Variants in CDS1 observed in about 807,000 individuals in gnomAD.
CDS1 encodes CDP-diacylglycerol synthase 1.
A neutral mutation model predicts 62.1 loss-of-function variants in CDS1; 41 were observed. The ratio of observed to expected loss-of-function variants is 0.66; its 90% CI spans 0.51 to 0.86. The LOEUF is 0.86. Among genes scored for constraint, CDS1 ranks in the 40% least tolerant of loss-of-function variants. The pLI is 0.00. For missense variants in CDS1, 470 were observed against 550.1 expected (o/e 0.85, Z 1.46); for synonymous variants, 185 against 192.6 (o/e 0.96, Z 0.32).
chr4:84,617,843 C>T (rs1298131075), intron 4 of CDS1, among the ~76,000 whole-genome samples, 182 bp downstream of exon 4: 1 of 151,978 alleles, frequency 6.6e-6, no homozygotes, highest in African/African-American at 2.4e-5. Context: ...TCCAATACAA[C>T]TTTTTTCAGA....
rs2148663451 is a variant in CDS1 at position 84,649,287 on chromosome 4, C to G, written c.*601C>G. Reference sequence around the variant, plus strand: ...AGTTTCAAAATTCAGGGGAGGGAGCCTGAAATTTTTGCCATGATTGGTTTG... The same window carrying G: ...AGTTTCAAAATTCAGGGGAGGGAGCGTGAAATTTTTGCCATGATTGGTTTG... On this transcript the variant is annotated 3_prime_UTR_variant, in exon 13 of 13. Transcript: ENST00000295887. 6.6e-6 allele frequency: 1 copy of G among 152,228 alleles called. No homozygotes were observed. Among genetic ancestry groups the G allele is most frequent in the South Asian group, 2.1e-4 (1 of 4,828 alleles). 9.4% of individuals were successfully genotyped at this position (152,228 alleles called of 1,614,324 possible).
intron 5 of CDS1, among the ~76,000 whole-genome samples, chr4:84,630,648 A>T (rs373399786): frequency 4.6e-5 from 7 of 152,128 alleles, no homozygotes; most frequent in African/African-American, 1.7e-4. Context: ...CTCTTTAAAG[A>T]TACTGCAGAG....
rs1466394742 is a variant in CDS1, at chr4:84,623,578, TCTGTTC to T, written c.580+4046_580+4051del. Among the ~76,000 whole-genome samples the T allele has an allele frequency of 5.9e-5, 9 of 152,368 alleles. No individual in the cohort carries two copies. In the East Asian group the frequency reaches 1.7e-3, roughly 29 times the overall value. On this transcript the variant is annotated intron_variant, in intron 5 of 12. Coordinates refer to ENST00000295887, the MANE Select transcript of CDS1 (RefSeq NM_001263.4). ...TCTCCTTCACATTTCTTCAGTTTTC[TCTGTTC>T]TTGTGGGGCTTCCCCTTAATTTATT... is the stretch of plus-strand genomic sequence containing the variant.
At chr4:84,620,917 G>A (rs942981533) in intron 5 of CDS1, among the ~76,000 whole-genome samples, 8 of 152,034 alleles carry the variant, frequency 5.3e-5, no homozygotes, top group Non-Finnish European at 1.0e-4. Flanking sequence ...AGAATTAGCC[G>A]GGCATGGTGG....
intron 9 of CDS1, among the ~76,000 whole-genome samples, chr4:84,639,324 T>C (rs1724310400): frequency 6.6e-6 from 1 of 152,194 alleles, no homozygotes; most frequent in African/African-American, 2.4e-5. Flanking sequence ...CTATTCTGCC[T>C]TAGGCGGGGC....
At chr4:84,600,761 C>G (rs1388355108) in intron 1 of CDS1, among the ~76,000 whole-genome samples, 2 of 152,160 alleles carry the variant, frequency 1.3e-5, no homozygotes, top group Non-Finnish European at 2.9e-5. Flanking sequence ...TTTGGCTCTT[C>G]TATGTTCTTT....
In CDS1 at chr4:84,640,838, G is replaced by A. The variant is rs765823728; in HGVS notation, c.880G>A (p.Ala294Thr). The change falls in exon 10 of 13, where the codon GCT (alanine) becomes ACT (threonine). Residue 294 changes from alanine to threonine, a missense_variant and splice_region_variant. Around this residue, in one of 5 missense-constraint regions of CDS1, gnomAD observed 214 missense variants for 242.4 expected, o/e 0.88. Coordinates refer to ENST00000295887, the MANE Select transcript of CDS1 (RefSeq NM_001263.4). ...TGTTTTGTTTTGTTTTTAATATCAG[G>A]CTGCCTATGTGTTATCCAAATACCA... is the stretch of plus-strand genomic sequence containing the variant. Reference protein sequence around the residue: ...FFSTVVFGFIAAYVLSKYQYF... With the variant: ...FFSTVVFGFITAYVLSKYQYF... 14 of 1,545,954 alleles carry A rather than the reference G, an allele frequency of 9.1e-6. No individual in the cohort carries two copies. The highest frequency in any genetic ancestry group is 1.2e-5 in the Non-Finnish European group (14 of 1,147,968).
chr4:84,647,657 G>C (rs1019731486), intron 12 of CDS1, among the ~76,000 whole-genome samples: 1 of 152,190 alleles, frequency 6.6e-6, no homozygotes, highest in African/African-American at 2.4e-5. Flanking sequence ...TTTGGCAGAT[G>C]AGTTGAGCCA....
chr4:84,598,409 CTT>C (rs1006768563), intron 1 of CDS1, among the ~76,000 whole-genome samples: 2 of 140,422 alleles, frequency 1.4e-5, no homozygotes, highest in South Asian at 2.3e-4. Context: ...TTTTCTTTTT[CTT>C]TTTTTTTTTT....
intron 10 of CDS1, among the ~76,000 whole-genome samples, chr4:84,642,270 G>A (rs1380376804): frequency 6.6e-6 from 1 of 151,016 alleles, no homozygotes; most frequent in African/African-American, 2.4e-5. Flanking sequence ...AGGTTGCGGT[G>A]AGCCGAGATT....
intron 4 of CDS1, among the ~76,000 whole-genome samples, chr4:84,619,011 C>T (rs1035151569): frequency 6.6e-6 from 1 of 151,256 alleles, no homozygotes; most frequent in African/African-American, 2.4e-5. Context: ...CAAACATACA[C>T]ACATTATACA....
intron 5 of CDS1, among the ~76,000 whole-genome samples, chr4:84,631,159 G>A (rs143694805): frequency 1.8e-3 from 281 of 152,112 alleles, no homozygotes; most frequent in African/African-American, 6.4e-3. Flanking sequence ...CCTGAATTTT[G>A]CTGATCTCAG....
chr4:84,593,025 A>G (rs1364830868), intron 1 of CDS1, among the ~76,000 whole-genome samples: 1 of 152,204 alleles, frequency 6.6e-6, no homozygotes, highest in Non-Finnish European at 1.5e-5. Flanking sequence ...TCAATATATA[A>G]AAATCCAGAT....
intron 12 of CDS1, 43 bp downstream of exon 12, chr4:84,645,368 T>C: frequency 3.4e-6 from 4 of 1,188,534 alleles, no homozygotes; most frequent in Non-Finnish European, 5.0e-6. Context: ...TTTCTTTGAG[T>C]TCTCATTTCC....
intron 1 of CDS1, among the ~76,000 whole-genome samples, chr4:84,603,706 G>A (rs1047726824): frequency 6.6e-6 from 1 of 152,128 alleles, no homozygotes; most frequent in South Asian, 2.1e-4. Flanking sequence ...AAATGCTGTT[G>A]ATCATAGTTT....
chr4:84,583,227 T>G lies in CDS1; in HGVS notation c.-175T>G. 1 of 534,266 alleles carries G rather than the reference T, an allele frequency of 1.9e-6. No homozygotes were observed. The highest frequency in any genetic ancestry group is 3.3e-6 in the Non-Finnish European group (1 of 305,040). 33.1% of individuals were successfully genotyped at this position (534,266 alleles called of 1,614,324 possible). A position where few individuals can be genotyped will look rare whatever the true frequency, so the allele number is the denominator to read the frequency against. On this transcript the variant is annotated 5_prime_UTR_variant, in exon 1 of 13. Coordinates refer to ENST00000295887, the MANE Select transcript of CDS1 (RefSeq NM_001263.4). The stretch of plus-strand genomic sequence containing the variant: ...CGAGCGCTCTCTCGTTGATGCCGTT[T>G]TGGAGGTGACCGGCGCGGCGGCCGC...
At chr4:84,625,635 G>A (rs2148652140) in intron 5 of CDS1, among the ~76,000 whole-genome samples, 1 of 152,210 alleles carries the variant, frequency 6.6e-6, no homozygotes, top group East Asian at 1.9e-4. Flanking sequence ...GATAGGGAAG[G>A]TAGGTAGGAG....
chr4:84,644,378 A>G (rs75702435), intron 11 of CDS1, among the ~76,000 whole-genome samples: 4,131 of 152,288 alleles, frequency 0.027, 189 homozygotes, highest in African/African-American at 0.095. Context: ...AGGAAGAGAA[A>G]GAGAGAAATG....
chr4:84,611,370 T>C (rs1723317524), intron 3 of CDS1, among the ~76,000 whole-genome samples: 1 of 152,186 alleles, frequency 6.6e-6, no homozygotes, highest in African/African-American at 2.4e-5. Context: ...GTTCTTCTTA[T>C]GTACTCATCT....
Sources: gnomAD v4.1 joint callset for allele counts (sites outside exome capture counted in the v4.1 genomes callset) on GRCh38, gnomAD v4.1.1 for gene constraint, gnomAD v4.1.1 regional missense constraint, MANE v1.5 for transcripts, NCBI Gene and HGNC (gene_info 2026-07-23, HGNC 2026-07-21) for gene names.